The following ABCC4 variants were observed in gnomAD, a reference collection of about 807,000 sequenced individuals.
ABCC4 encodes ATP-binding cassette sub-family C member 4.
A neutral mutation model predicts 168.5 loss-of-function variants in ABCC4; 102 were observed. The observed-to-expected ratio is 0.61, with a 90% CI of 0.52 to 0.71. ABCC4 has a LOEUF of 0.71. ABCC4 is among the 30% of genes least tolerant of loss of function. The pLI, the probability that ABCC4 is intolerant of heterozygous loss-of-function variation, is 0.00. For synonymous variants in ABCC4, 617 were observed against 590.7 expected, an observed-to-expected ratio of 1.04 and a Z score of -0.65; for missense variants, 1,402 against 1,605.8, an observed-to-expected ratio of 0.87 and a Z score of 2.17.
At chr13:95,296,293 G>A (rs953762519) in intron 1 of ABCC4, among the ~76,000 whole-genome samples, 29 of 152,062 alleles carry the variant, frequency 1.9e-4, no homozygotes, top group African/African-American at 7.0e-4. Flanking sequence ...AGACCAGCCT[G>A]GGCAACATAG....
At chr13:95,129,829 C>T (rs2035899452) in intron 19 of ABCC4, among the ~76,000 whole-genome samples, 2 of 152,120 alleles carry the variant, frequency 1.3e-5, no homozygotes, top group South Asian at 4.1e-4. Context: ...AATTCCAGCA[C>T]TTTGCGAGGC....
At chr13:95,231,729 G>C (rs1404544988) in intron 4 of ABCC4, among the ~76,000 whole-genome samples, 2 of 152,316 alleles carry the variant, frequency 1.3e-5, no homozygotes, top group Admixed American at 6.5e-5. Context: ...ACTTCATAAA[G>C]AGACAATACT....
chr13:95,247,883 AAT>A, intron 1 of ABCC4, 130 bp from the exon 2 acceptor site: 1 of 575,908 alleles, frequency 1.7e-6, no homozygotes, highest in South Asian at 2.0e-5. Context: ...GACAGATATG[AAT>A]ATATAGAGCT....
At chr13:95,225,499 G>A (rs928651744) in intron 4 of ABCC4, among the ~76,000 whole-genome samples, 53 of 151,902 alleles carry the variant, frequency 3.5e-4, no homozygotes, top group Non-Finnish European at 5.9e-5. Context: ...GTAAAATCCC[G>A]TCTCTACTAA....
At chr13:95,192,434 T>A (rs992008532) in intron 9 of ABCC4, among the ~76,000 whole-genome samples, 2 of 152,164 alleles carry the variant, frequency 1.3e-5, no homozygotes, top group African/African-American at 4.8e-5. Context: ...CAGCTGTCAA[T>A]GTTATCTAGG....
intron 1 of ABCC4, among the ~76,000 whole-genome samples, chr13:95,276,414 C>CAA (rs60996116): frequency 6.8e-5 from 6 of 87,650 alleles, no homozygotes; most frequent in African/African-American, 9.2e-5. Context: ...GACCCATCTC[C>CAA]AAAAAAAAAA....
intron 29 of ABCC4, among the ~76,000 whole-genome samples, chr13:95,040,266 C>T (rs1016868810): frequency 6.6e-6 from 1 of 152,222 alleles, no homozygotes; most frequent in African/African-American, 2.4e-5. Flanking sequence ...GGATCTCACT[C>T]TGTCGCCCAG....
intron 26 of ABCC4, among the ~76,000 whole-genome samples, chr13:95,061,240 G>A (rs1391737332): frequency 3.3e-5 from 5 of 152,126 alleles, no homozygotes; most frequent in Non-Finnish European, 7.4e-5. Context: ...TTCTGGAAGT[G>A]GAACTGCTGG....
intron 1 of ABCC4, among the ~76,000 whole-genome samples, chr13:95,300,994 A>G (rs1421871169): frequency 6.6e-6 from 1 of 151,888 alleles, no homozygotes; most frequent in Non-Finnish European, 1.5e-5. Context: ...TCCAGTAGCA[A>G]AGCCACTGGC....
rs557805905 is a variant in ABCC4 at position 95,105,110 on chromosome 13, G to T, written c.2535+10812C>A. Among the ~76,000 whole-genome samples the T allele has an allele frequency of 2.0e-5, 3 of 151,976 alleles. No homozygotes were observed. The East Asian group carries it at 5.8e-4, about 29-fold the overall frequency. ...TGCAACTAGATGGTCCCATCTGGGG[G>T]TGATGGGAGACAATGACAGATGATC... On this transcript the variant is annotated intron_variant, in intron 20 of 30. Transcript: ENST00000645237.
At chr13:95,228,009 C>A (rs1350732744) in intron 4 of ABCC4, among the ~76,000 whole-genome samples, 3 of 152,074 alleles carry the variant, frequency 2.0e-5, no homozygotes, top group Non-Finnish European at 4.4e-5. Flanking sequence ...TGCACCCGGC[C>A]CTGAATATCT....
At position 95,296,328 on chromosome 13, in the gene ABCC4, A is replaced by C. The variant is rs547116163; in HGVS notation, c.74+4913T>G. 1.9e-4 allele frequency among the ~76,000 whole-genome samples: 23 copies of C among 119,158 alleles called. No individual in the cohort carries two copies. In the East Asian group the frequency reaches 4.5e-3, roughly 23 times the overall value. 78.2% of individuals were successfully genotyped at this position (119,158 alleles called of 152,430 possible). On this transcript the variant is annotated intron_variant, in intron 1 of 30. Transcript: ENST00000645237. Reference sequence around the variant, plus strand: ...GTGAGACCTCATCTCTACAAGAAAAATATTTTTTTTATTATAGAAAAAGAA... The same window carrying C: ...GTGAGACCTCATCTCTACAAGAAAACTATTTTTTTTATTATAGAAAAAGAA...
chr13:95,255,538 A>G lies in ABCC4; in HGVS notation c.75-7785T>C, dbSNP rs142477934. ...CACAGGTGTTCTCAACATGGTCCCA[A>G]CCCAGCTTATCTCGGCCCATGACCA... On this transcript the variant is annotated intron_variant, in intron 1 of 30. Coordinates refer to ENST00000645237, the MANE Select transcript of ABCC4 (RefSeq NM_005845.5). 5.5e-4 allele frequency among the ~76,000 whole-genome samples: 84 copies of G among 152,260 alleles called. 1 individual carries two copies. Among genetic ancestry groups the G allele is most frequent in the African/African-American group, 2.0e-3 (83 of 41,538 alleles).
At chr13:95,205,147 T>C (rs2038745409) in intron 8 of ABCC4, among the ~76,000 whole-genome samples, 1 of 152,198 alleles carries the variant, frequency 6.6e-6, no homozygotes, top group Non-Finnish European at 1.5e-5. Context: ...GGATAAGAAA[T>C]GACCCTGTAT....
Position 95,075,533 on chromosome 13 carries a change from G to C in ABCC4, c.2705C>G (p.Ser902Cys). ...CCCCTGGAGAGAAGATGATAAGTGG[G>C]AAAACACTGGACTCCGAGCTGGGGA... Reference protein sequence around the residue: ...LESTTRSPVFSHLSSSLQGLW... With the variant: ...LESTTRSPVFCHLSSSLQGLW... Residue 902 changes from serine (S) to cysteine (C), a missense_variant, in exon 22 of 31, where the codon TCC becomes TGC. Physicochemically the swap from Ser to Cys is moderately radical, Grantham distance 112. Around this residue, in one of 3 missense-constraint regions of ABCC4, gnomAD observed 1,007 missense variants for 1,127.3 expected, o/e 0.89. Transcript: ENST00000645237. 6.2e-7 allele frequency: 1 copy of C among 1,614,084 alleles called. No homozygotes were observed. The highest frequency in any genetic ancestry group is 8.5e-7 in the Non-Finnish European group (1 of 1,179,974).
chr13:95,269,784 A>G (rs2040795831), intron 1 of ABCC4, among the ~76,000 whole-genome samples: 1 of 152,228 alleles, frequency 6.6e-6, no homozygotes, highest in African/African-American at 2.4e-5. Context: ...CATTTCCTAC[A>G]GATACATCTG....
chr13:95,164,763 T>C (rs1347007760), intron 15 of ABCC4, among the ~76,000 whole-genome samples: 2 of 152,266 alleles, frequency 1.3e-5, no homozygotes, highest in Admixed American at 1.3e-4. Flanking sequence ...GGCGCGATCT[T>C]GGCTCACTGC....
chr13:95,113,203 CT>C (rs933593214), intron 20 of ABCC4, among the ~76,000 whole-genome samples: 5 of 152,166 alleles, frequency 3.3e-5, no homozygotes, highest in Non-Finnish European at 5.9e-5. Flanking sequence ...TCCTTCCCCC[CT>C]AAAAGATCAA....
At chr13:95,169,679 T>C (rs2037400911) in intron 14 of ABCC4, among the ~76,000 whole-genome samples, 1 of 152,054 alleles carries the variant, frequency 6.6e-6, no homozygotes, top group Non-Finnish European at 1.5e-5. Context: ...CCAGGAAGAA[T>C]GTCAGCCCGA....
Sources: allele counts gnomAD v4.1 joint callset (sites outside exome capture counted in the v4.1 genomes callset), GRCh38; gene constraint gnomAD v4.1.1; regional missense constraint gnomAD v4.1.1; transcripts MANE v1.5; gene names NCBI Gene and HGNC (gene_info 2026-07-23, HGNC 2026-07-21).